LAMB4: variants seen among roughly 807,000 people sequenced by gnomAD.
The protein encoded by LAMB4 is laminin subunit beta 4, also known as laminin subunit beta-4.
LAMB4 carries 196 observed loss-of-function variants against 199.2 expected under a neutral mutation model. The ratio of observed to expected loss-of-function variants is 0.98; its 90% confidence interval spans 0.88 to 1.11. The LOEUF (loss-of-function observed/expected upper bound fraction) is 1.11, where lower values mean the gene tolerates loss of function less well. LAMB4 is among the 50% of genes least tolerant of loss of function. The probability of loss-of-function intolerance (pLI) is 0.00; values close to 1 mark genes in which losing one functional copy is unlikely to be tolerated. For missense variants in LAMB4, 2,080 were observed against 2,171.2 expected (o/e 0.96, Z 0.83); for synonymous variants, 744 against 770.6 (o/e 0.97, Z 0.57).
At chr7:108,027,000 C>A in intron 33 of LAMB4, 2 of 456,382 alleles carry the variant, frequency 4.4e-6, no homozygotes, top group East Asian at 5.7e-5. Context: ...CTCTTCCAAT[C>A]TAATTTCAAG....
At chr7:108,077,206 A>T (rs2036735943) in intron 16 of LAMB4, 142 bp from the exon 17 acceptor site, 1 of 742,690 alleles carries the variant, frequency 1.3e-6, no homozygotes, top group South Asian at 1.9e-5. Context: ...GGTCTAGACC[A>T]GCACAGGTGG....
chr7:108,107,712 G>A lies in LAMB4; in HGVS notation c.510C>T (p.Ile170=). ...CCACTCCCTGGGCCTGGCCAGATGT[G>A]ATGTTAGGAAAGGAAGTGGCACAGT... The part of the protein sequence containing the change: ...AKDCATSFPN[I]TSGQAQGVGD... Residue 170 remains isoleucine, a synonymous_variant, in exon 6 of 34, where the codon ATC becomes ATT. Coordinates refer to ENST00000388781, the MANE Select transcript of LAMB4 (RefSeq NM_007356.3). The A allele has an allele frequency of 6.2e-7, 1 of 1,613,752 alleles. No homozygotes were observed. Among genetic ancestry groups the A allele is most frequent in the Admixed American group, 1.7e-5 (1 of 59,966 alleles).
At chr7:108,028,440 C>A (rs958818725) in intron 33 of LAMB4, among the ~76,000 whole-genome samples, 1 of 151,894 alleles carries the variant, frequency 6.6e-6, no homozygotes, top group Non-Finnish European at 1.5e-5. Flanking sequence ...ACATCTCACC[C>A]CCCGTTGAGA....
chr7:108,036,871 T>C (rs1279926165), intron 30 of LAMB4, among the ~76,000 whole-genome samples: 2 of 147,260 alleles, frequency 1.4e-5, no homozygotes, highest in African/African-American at 5.0e-5. Context: ...GCAAAAGGAA[T>C]TGCGGTTTTT....
At chr7:108,073,302 GGCCA>G (rs1410606043) in intron 17 of LAMB4, among the ~76,000 whole-genome samples, 1 of 152,186 alleles carries the variant, frequency 6.6e-6, no homozygotes, top group Non-Finnish European at 1.5e-5. Flanking sequence ...CACCGCGCCC[GGCCA>G]GCTATAGGAT....
At chr7:108,095,158 G>T in intron 12 of LAMB4, 70 bp downstream of exon 12, 1 of 1,129,388 alleles carries the variant, frequency 8.9e-7, no homozygotes, top group Non-Finnish European at 1.3e-6. Flanking sequence ...GCAAAACCAA[G>T]TCTTACCTAG....
At chr7:108,103,597 A>G (rs1382173497) in intron 9 of LAMB4, among the ~76,000 whole-genome samples, 2 of 152,228 alleles carry the variant, frequency 1.3e-5, no homozygotes, top group African/African-American at 2.4e-5. Context: ...AAATTTTTAC[A>G]TGAAATATTC....
intron 17 of LAMB4, chr7:108,075,867 G>A (rs192071417): frequency 1.8e-5 from 3 of 165,458 alleles, no homozygotes; most frequent in Admixed American, 6.1e-5. Context: ...AGCTGAAGCA[G>A]GAGAATTGCT....
chr7:108,129,945 T>G (rs183938530), intron 1 of LAMB4, among the ~76,000 whole-genome samples: 62 of 152,352 alleles, frequency 4.1e-4, no homozygotes, highest in Middle Eastern at 3.4e-3. Flanking sequence ...CATTTAAACT[T>G]TTATAAGTTG....
chr7:108,120,453 T>C, intron 2 of LAMB4, among the ~76,000 whole-genome samples: 1 of 152,226 alleles, frequency 6.6e-6, no homozygotes, highest in East Asian at 1.9e-4. Context: ...GGAAATTTTC[T>C]ATTCTCAATC....
intron 26 of LAMB4, among the ~76,000 whole-genome samples, chr7:108,050,284 T>G (rs1435767572): frequency 6.6e-6 from 1 of 152,156 alleles, no homozygotes; most frequent in Non-Finnish European, 1.5e-5. Flanking sequence ...TCCCATCAAT[T>G]TTCTTCCTCA....
chr7:108,106,693 T>C, intron 6 of LAMB4, 121 bp from the exon 7 acceptor site: 3 of 599,496 alleles, frequency 5.0e-6, no homozygotes, highest in South Asian at 4.0e-5. Context: ...GCCTCCCAAG[T>C]AGCTGAGACC....
At chr7:108,025,116 C>T (rs980963426) in intron 33 of LAMB4, among the ~76,000 whole-genome samples, 2 of 152,174 alleles carry the variant, frequency 1.3e-5, no homozygotes, top group Non-Finnish European at 2.9e-5. Context: ...ATTGAATTAA[C>T]TGGTGATGTT....
intron 11 of LAMB4, among the ~76,000 whole-genome samples, chr7:108,097,921 T>A (rs547441333): frequency 6.6e-6 from 1 of 152,278 alleles, no homozygotes; most frequent in Non-Finnish European, 1.5e-5. Context: ...CCCCTGCTGG[T>A]CCTTTATGAT....
intron 8 of LAMB4, 52 bp from the exon 9 acceptor site, chr7:108,104,671 T>C (rs2150652093): frequency 6.3e-7 from 1 of 1,587,988 alleles, no homozygotes; most frequent in East Asian, 2.3e-5. Context: ...CTTGGGGACG[T>C]TGGGGTTCTT....
rs1342337586 is a variant in LAMB4, at chr7:108,066,492, G to C, written c.2555C>G (p.Ala852Gly). The change falls in exon 20 of 34, where the codon GCA becomes GGA. Residue 852 changes from alanine to glycine, a missense_variant. Coordinates refer to ENST00000388781, the MANE Select transcript of LAMB4 (RefSeq NM_007356.3). ...VSGRRCDRCL[A>G]GYFGFPSCHP... The stretch of plus-strand genomic sequence containing the variant: ...GCAGCTGGGAAATCCAAAGTAGCCT[G>C]CCAGGCAGCGATCACAGCGGCGGCC... 1.2e-6 allele frequency: 2 copies of C among 1,614,022 alleles called. No homozygotes were observed. Among genetic ancestry groups the C allele is most frequent in the Non-Finnish European group, 1.7e-6 (2 of 1,180,020 alleles).
intron 7 of LAMB4, 104 bp from the exon 8 acceptor site, chr7:108,106,135 A>C: frequency 1.1e-6 from 1 of 931,842 alleles, no homozygotes; most frequent in South Asian, 1.6e-5. Context: ...AAGAGATTAC[A>C]GGCCCGGTGT....
chr7:108,092,285 T>C (rs2037437434), intron 13 of LAMB4, 52 bp downstream of exon 13: 1 of 1,390,124 alleles, frequency 7.2e-7, no homozygotes, highest in Non-Finnish European at 1.0e-6. Context: ...CAGAATAAAA[T>C]GTGCTTTTAT....
intron 2 of LAMB4, among the ~76,000 whole-genome samples, chr7:108,120,600 C>T (rs1410553256): frequency 1.3e-5 from 2 of 152,172 alleles, no homozygotes; most frequent in Non-Finnish European, 2.9e-5. Flanking sequence ...TTTATTTAAC[C>T]AGCAACCCAC....
Sources: gnomAD v4.1 joint callset for allele counts (sites outside exome capture counted in the v4.1 genomes callset) on GRCh38, gnomAD v4.1.1 for gene constraint, MANE v1.5 for transcripts, NCBI Gene and HGNC (gene_info 2026-07-23, HGNC 2026-07-21) for gene names.